The following PHF8 variants were observed in gnomAD, a reference collection of about 807,000 sequenced individuals.
The protein encoded by PHF8 is PHD finger protein 8.
Under a neutral mutation model 74.4 loss-of-function variants are expected in PHF8, and 9 were observed. The ratio of observed to expected loss-of-function variants is 0.12; its 90% CI spans 0.07 to 0.21. PHF8 has a LOEUF of 0.21. Ranked by LOEUF, PHF8 falls within the 10% of genes least tolerant of loss-of-function variation. The pLI, the probability that PHF8 is intolerant of heterozygous loss-of-function variation, is 1.00. For missense variants in PHF8, 478 were observed against 816.6 expected (o/e 0.59, Z 5.05); for synonymous variants, 311 against 316.6 (o/e 0.98, Z 0.19).
At chrX:54,044,853 G>A, upstream of PHF8, 2 of 1,143,679 alleles carry the variant, frequency 1.7e-6, no homozygotes, top group Non-Finnish European at 2.3e-6. Flanking sequence ...GGCTTCAGCC[G>A]GGGTAGAGGC....
intron 2 of PHF8, among the ~76,000 whole-genome samples, chrX:54,038,623 A>G (rs1383331849): frequency 8.9e-6 from 1 of 112,190 alleles, no homozygotes; most frequent in Admixed American, 9.5e-5. Flanking sequence ...TACAGGAAGA[A>G]TGAAGCAATA....
intron 19 of PHF8, among the ~76,000 whole-genome samples, chrX:53,953,599 G>A (rs1443211424): frequency 1.9e-4 from 20 of 104,342 alleles, no homozygotes; most frequent in Admixed American, 6.2e-4. Flanking sequence ...AGCCAAGATC[G>A]CGTTGCTGCA....
chrX:54,042,985 T>TGCC, intron 1 of PHF8, 165 bp from the exon 2 acceptor site: 1 of 519,257 alleles, frequency 1.9e-6, no homozygotes, highest in Non-Finnish European at 2.9e-6. Context: ...AGAATTTCTT[T>TGCC]CACACGTAAA....
chrX:54,037,000 TAAAAAAA>T (rs56902207), intron 2 of PHF8, among the ~76,000 whole-genome samples: 2 of 63,250 alleles, frequency 3.2e-5, no homozygotes, highest in African/African-American at 1.1e-4. Context: ...TCAGAAAAAA[TAAAAAAA>T]AAAAAAAAAA....
intron 2 of PHF8, 39 bp from the exon 3 acceptor site, chrX:54,022,882 T>A (rs1557110413): frequency 1.1e-6 from 1 of 919,813 alleles, no homozygotes; most frequent in South Asian, 2.0e-5. Context: ...ATGGAAATTT[T>A]ATTTTTTATG....
At chrX:54,002,306 T>C (rs1253938926) in intron 9 of PHF8, 45 bp from the exon 10 acceptor site, 19 of 797,237 alleles carry the variant, frequency 2.4e-5, no homozygotes, top group Non-Finnish European at 3.7e-5. Flanking sequence ...ATTCATTTAC[T>C]GAGCACCTAC....
At chrX:54,028,411 G>A (rs1301487481) in intron 2 of PHF8, among the ~76,000 whole-genome samples, 2 of 111,165 alleles carry the variant, frequency 1.8e-5, no homozygotes, top group African/African-American at 6.6e-5. Context: ...TCATGTCTTT[G>A]GCTGTTCCTT....
At chrX:53,975,214 G>A (rs1487688589) in intron 18 of PHF8, among the ~76,000 whole-genome samples, 3 of 112,322 alleles carry the variant, frequency 2.7e-5, no homozygotes, top group Non-Finnish European at 5.6e-5. Flanking sequence ...AAAAGCTGGA[G>A]AGGATTTGTT....
intron 2 of PHF8, among the ~76,000 whole-genome samples, chrX:54,030,989 T>G (rs1186196906): frequency 2.7e-5 from 3 of 112,159 alleles, no homozygotes; most frequent in East Asian, 2.8e-4. Flanking sequence ...AAGTATTAGC[T>G]ATCATCATCA....
At chrX:54,025,035 C>T (rs782068218) in intron 2 of PHF8, among the ~76,000 whole-genome samples, 1 of 109,777 alleles carries the variant, frequency 9.1e-6, no homozygotes, top group East Asian at 2.9e-4. Context: ...CACCACCACG[C>T]CCAGCTAATT....
At chrX:53,976,121 C>A (rs1050725123) in intron 18 of PHF8, among the ~76,000 whole-genome samples, 10 of 109,884 alleles carry the variant, frequency 9.1e-5, no homozygotes, top group African/African-American at 3.3e-4. Flanking sequence ...CGAGACCAGC[C>A]TGGTGAAATC....
At chrX:54,021,614 G>A (rs1049760388) in intron 4 of PHF8, among the ~76,000 whole-genome samples, 10 of 106,382 alleles carry the variant, frequency 9.4e-5, no homozygotes, top group South Asian at 4.2e-4. Flanking sequence ...GACTACAGGC[G>A]CCCGCCACTA....
intron 19 of PHF8, among the ~76,000 whole-genome samples, chrX:53,945,028 T>A (rs1055944320): frequency 6.9e-4 from 72 of 104,005 alleles, no homozygotes; most frequent in Non-Finnish European, 6.9e-4. Flanking sequence ...TCTCAAAAAA[T>A]AATAATAATA....
At chrX:53,939,392 T>C (rs1420815978) in intron 21 of PHF8, 146 bp from the exon 22 acceptor site, 3 of 452,435 alleles carry the variant, frequency 6.6e-6, no homozygotes, top group Non-Finnish European at 1.1e-5. Context: ...CAGGAAGCCC[T>C]CCTTAACTAC....
chrX:53,986,121 G>T (rs1429398883), intron 16 of PHF8, among the ~76,000 whole-genome samples, 172 bp from the exon 17 acceptor site: 1 of 112,641 alleles, frequency 8.9e-6, no homozygotes, highest in African/African-American at 3.2e-5. Flanking sequence ...ATCTTTGTGA[G>T]CTAGGTAGTA....
intron 11 of PHF8, among the ~76,000 whole-genome samples, chrX:53,996,029 C>A (rs981730387): frequency 9.0e-6 from 1 of 111,482 alleles, no homozygotes; most frequent in Non-Finnish European, 1.9e-5. Context: ...AACTATACAC[C>A]CTTTAGACCA....
chrX:54,001,771 C>T (rs1447758374), intron 10 of PHF8, among the ~76,000 whole-genome samples: 2 of 110,211 alleles, frequency 1.8e-5, no homozygotes, highest in Non-Finnish European at 1.9e-5. Flanking sequence ...ACAAAATTAT[C>T]CAGGTGTGGG....
Position 53,985,158 on chromosome X carries a change from G to C in PHF8, c.2199C>G (p.Ser733=). The C allele has an allele frequency of 1.7e-6, 2 of 1,206,537 alleles. No homozygotes were observed. The highest frequency in any genetic ancestry group is 2.2e-6 in the Non-Finnish European group (2 of 892,444). ...TAGAGGTAGCCGGTGAGGACGATGA[G>C]GACTGCAGGTTGGCCATGCACAGCA... The part of the protein sequence containing the change: ...QGMLCMANLQ[S]SSSSPATSSL... Residue 733 remains serine (S), a synonymous_variant, in exon 18 of 22, where the codon TCC becomes TCG. Transcript: ENST00000338154.
At position 53,939,007 on chromosome X, in the gene PHF8, G is replaced by A; in HGVS notation, c.*151C>T. On this transcript the variant is annotated 3_prime_UTR_variant, in exon 22 of 22. Transcript: ENST00000338154. ...GGGAAGGGAACTAGAAGGAGTCGGTGGAGGGGTCCGTGCCTTTGGTAAGTC... is the reference window on the plus strand; with the variant it reads ...GGGAAGGGAACTAGAAGGAGTCGGTAGAGGGGTCCGTGCCTTTGGTAAGTC... The A allele has an allele frequency of 9.5e-7, 1 of 1,048,384 alleles. No homozygotes were observed. The highest frequency in any genetic ancestry group is 1.2e-6 in the Non-Finnish European group (1 of 816,077). 86.4% of individuals were successfully genotyped at this position (1,048,384 alleles called of 1,213,427 possible).
Sources: gnomAD v4.1 joint callset for allele counts (sites outside exome capture counted in the v4.1 genomes callset) on GRCh38, gnomAD v4.1.1 for gene constraint, MANE v1.5 for transcripts, NCBI Gene and HGNC (gene_info 2026-07-23, HGNC 2026-07-21) for gene names.